The following LARS1 variants were observed in gnomAD, a reference collection of about 807,000 sequenced individuals.
LARS1 encodes leucyl-tRNA synthetase 1, also known as leucine--tRNA ligase, cytoplasmic.
LARS1 carries 100 observed loss-of-function variants against 162.8 expected under a neutral mutation model. The ratio of observed to expected loss-of-function variants is 0.61; its 90% CI spans 0.52 to 0.73. The LOEUF (loss-of-function observed/expected upper bound fraction) is 0.73. LARS1 is among the 30% of genes least tolerant of loss of function. The probability of loss-of-function intolerance (pLI) is 0.00; values close to 1 mark genes in which losing one functional copy is unlikely to be tolerated. For missense variants in LARS1, 1,258 were observed against 1,408.9 expected (o/e 0.89, Z 1.71); for synonymous variants, 457 against 462.8 (o/e 0.99, Z 0.16).
At chr5:146,163,589 G>A (rs1381298878) in intron 6 of LARS1, among the ~76,000 whole-genome samples, 1 of 152,120 alleles carries the variant, frequency 6.6e-6, no homozygotes, top group African/African-American at 2.4e-5. Flanking sequence ...GGGAGGCTGA[G>A]GCAGAAGAAT....
chr5:146,114,545 C>G (rs1353065926), intron 31 of LARS1, among the ~76,000 whole-genome samples: 2 of 151,830 alleles, frequency 1.3e-5, no homozygotes, highest in African/African-American at 4.8e-5. Flanking sequence ...ACTAGCCTGA[C>G]CAACATGGCA....
At chr5:146,129,939 A>C in intron 25 of LARS1, 79 bp downstream of exon 25, 1 of 1,409,290 alleles carries the variant, frequency 7.1e-7, no homozygotes, top group Non-Finnish European at 9.7e-7. Context: ...TTCTCTCTTA[A>C]GTAACAATAT....
chr5:146,166,250 T>C (rs1753998342), intron 5 of LARS1, among the ~76,000 whole-genome samples: 1 of 152,186 alleles, frequency 6.6e-6, no homozygotes, highest in South Asian at 2.1e-4. Context: ...GCAATTGCTT[T>C]GAACAAAGGA....
At position 146,126,458 on chromosome 5, in the gene LARS1, T is replaced by C. The variant is rs1484215259; in HGVS notation, c.2968A>G (p.Met990Val). Residue 990 changes from methionine (M) to valine (V), a missense_variant, in exon 28 of 32, where the codon ATG becomes GTG. Transcript: ENST00000394434. Reference protein sequence around the residue: ...PELKKYMKKVMPFVAMIKENL... With the variant: ...PELKKYMKKVVPFVAMIKENL... ...ACCTTAATCATGGCAACAAATGGCA[T>C]GACTTTCTTCATGTATTTCTTCAGT... is the stretch of plus-strand genomic sequence containing the variant. 4 of 1,611,196 alleles carry C rather than the reference T, an allele frequency of 2.5e-6. No homozygotes were observed. In the South Asian group the frequency reaches 4.4e-5, roughly 18 times the overall value.
chr5:146,144,314 G>A lies in LARS1; in HGVS notation c.1691C>T (p.Thr564Ile). The A allele has an allele frequency of 1.2e-6, 2 of 1,613,652 alleles. No homozygotes were observed. The highest frequency in any genetic ancestry group is 1.7e-6 in the Non-Finnish European group (2 of 1,179,896). ...CEETRRNFEA[T>I]LGWLQEHACS... is the part of the protein sequence containing the mutation. ...AGCATGTTCTTGTAGCCAACCTAAG[G>A]TGGCTTCAAAATTCCTCCTGGTCTC... Residue 564 changes from threonine to isoleucine, a missense_variant, in exon 18 of 32, where the codon ACC becomes ATC. Thr to Ile is a moderately conservative substitution (Grantham distance 89). Transcript: ENST00000394434.
chr5:146,122,491 C>T lies in LARS1; in HGVS notation c.3192+1G>A. On this transcript the variant is annotated splice_donor_variant, in intron 30 of 31. Transcript: ENST00000394434. LOFTEE classifies it high-confidence loss of function. ...GATTCAGTGAGATTCCTTCAACTTA[C>T]TTCTATTCTAAAAACATTAAGTGGT... 1.3e-6 allele frequency: 2 copies of T among 1,547,244 alleles called. No individual in the cohort carries two copies. Among genetic ancestry groups the T allele is most frequent in the Non-Finnish European group, 1.8e-6 (2 of 1,121,464 alleles).
At chr5:146,150,980 C>CACACACAA (rs1753260910) in intron 14 of LARS1, among the ~76,000 whole-genome samples, 1 of 151,220 alleles carries the variant, frequency 6.6e-6, no homozygotes, top group South Asian at 2.1e-4. Context: ...CACACACACA[C>CACACACAA]ACAAATGTAA....
intron 3 of LARS1, among the ~76,000 whole-genome samples, 172 bp from the exon 4 acceptor site, chr5:146,172,162 T>A (rs1323806595): frequency 6.6e-6 from 1 of 152,158 alleles, no homozygotes; most frequent in African/African-American, 2.4e-5. Context: ...TGAATATGCA[T>A]ACATGCCCAG....
intron 6 of LARS1, among the ~76,000 whole-genome samples, chr5:146,162,063 C>A (rs1171603779): frequency 2.6e-5 from 4 of 152,182 alleles, no homozygotes; most frequent in African/African-American, 9.7e-5. Context: ...AACCTTTCAA[C>A]GTCATCCATA....
At chr5:146,137,090 GT>G (rs1157110960) in intron 21 of LARS1, among the ~76,000 whole-genome samples, 1 of 152,138 alleles carries the variant, frequency 6.6e-6, no homozygotes, top group Non-Finnish European at 1.5e-5. Flanking sequence ...TAGAGATGGA[GT>G]TTCACCACAT....
At position 146,151,899 on chromosome 5, in the gene LARS1, G is replaced by A; in HGVS notation, c.1388C>T (p.Ala463Val). ...TCCTTTTAGATATATCTTCTCCTTT[G>A]CTTCTGCAAGTTTTTCCCGGTCATT... The part of the protein sequence containing the change: ...SQNDREKLAE[A>V]KEKIYLKGFY... The change falls in exon 14 of 32, where the codon GCA (alanine) becomes GTA (valine). Residue 463 changes from alanine (A) to valine (V), a missense_variant. Physicochemically the swap from Ala to Val is moderately conservative, Grantham distance 64. Coordinates refer to ENST00000394434, the MANE Select transcript of LARS1 (RefSeq NM_020117.11). 6.2e-7 allele frequency: 1 copy of A among 1,613,930 alleles called. No individual in the cohort carries two copies. Among genetic ancestry groups the A allele is most frequent in the Non-Finnish European group, 8.5e-7 (1 of 1,179,952 alleles).
intron 31 of LARS1, 60 bp downstream of exon 31, chr5:146,120,308 TCTG>T (rs1751759151): frequency 6.4e-7 from 1 of 1,551,920 alleles, no homozygotes; most frequent in African/African-American, 1.4e-5. Flanking sequence ...CTTTTTCCTT[TCTG>T]CTTAGAACTC....
intron 31 of LARS1, among the ~76,000 whole-genome samples, chr5:146,115,415 G>A (rs1282765331): frequency 6.6e-6 from 1 of 151,862 alleles, no homozygotes; most frequent in African/African-American, 2.4e-5. Flanking sequence ...AAAGATGAAA[G>A]TATTTGTATT....
At position 146,164,393 on chromosome 5, in the gene LARS1, T is replaced by A. The variant is rs763325462; in HGVS notation, c.511A>T (p.Ile171Leu). Residue 171 changes from isoleucine (I) to leucine (L), a missense_variant, in exon 6 of 32, where the codon ATA (isoleucine) becomes TTA (leucine). Coordinates refer to ENST00000394434, the MANE Select transcript of LARS1 (RefSeq NM_020117.11). ...TGTTCTGCTTCAGAAAATTTTACTA[T>A]CTCTTCATCAGACAGGCCAAGGGAT... ...MKSLGLSDEE[I>L]VKFSEAEHWL... 1.9e-6 allele frequency: 3 copies of A among 1,614,050 alleles called. No homozygotes were observed. The highest frequency in any genetic ancestry group is 4.5e-5 in the East Asian group (2 of 44,872).
At chr5:146,141,919 G>C (rs1382483052) in intron 20 of LARS1, among the ~76,000 whole-genome samples, 1 of 152,132 alleles carries the variant, frequency 6.6e-6, no homozygotes, top group Non-Finnish European at 1.5e-5. Flanking sequence ...TCAGCACTTT[G>C]GGAGGCCAAG....
intron 30 of LARS1, among the ~76,000 whole-genome samples, chr5:146,121,492 T>C (rs767821197): frequency 9.9e-5 from 15 of 152,008 alleles, no homozygotes; most frequent in Non-Finnish European, 1.9e-4. Context: ...ACCCAAAGGA[T>C]TATAAACCAT....
intron 13 of LARS1, 35 bp downstream of exon 13, chr5:146,153,139 T>C (rs978405550): frequency 1.4e-6 from 2 of 1,479,810 alleles, no homozygotes; most frequent in Non-Finnish European, 1.9e-6. Context: ...GATAAAGAGA[T>C]GGATGTGAAT....
chr5:146,179,609 G>A (rs1754742892), intron 1 of LARS1: 3 of 387,528 alleles, frequency 7.7e-6, no homozygotes, highest in Non-Finnish European at 1.6e-5. Flanking sequence ...GTGTGTGTCT[G>A]TGTGAGAGAG....
intron 22 of LARS1, 143 bp downstream of exon 22, chr5:146,135,458 C>A: frequency 6.5e-6 from 4 of 612,720 alleles, no homozygotes; most frequent in Non-Finnish European, 1.1e-5. Context: ...TATTATGTTG[C>A]TCATCCACAA....
Sources: gnomAD v4.1 joint callset for allele counts (sites outside exome capture counted in the v4.1 genomes callset) on GRCh38, gnomAD v4.1.1 for gene constraint, MANE v1.5 for transcripts, NCBI Gene and HGNC (gene_info 2026-07-23, HGNC 2026-07-21) for gene names.